Variants in SDK1 observed in about 807,000 individuals in gnomAD.
SDK1 encodes protein sidekick-1.
SDK1 carries 157 observed loss-of-function variants against 245.5 expected under a neutral mutation model. The observed-to-expected ratio is 0.64, with a 90% CI of 0.56 to 0.73. The LOEUF (loss-of-function observed/expected upper bound fraction) is 0.73. Among genes scored for constraint, SDK1 ranks in the 30% least tolerant of loss-of-function variants. SDK1 has a pLI of 0.00. For missense variants in SDK1, 3,583 were observed against 3,002.3 expected (o/e 1.19, Z -4.52); for synonymous variants, 1,647 against 1,278.5 (o/e 1.29, Z -6.15).
intron 1 of SDK1, among the ~76,000 whole-genome samples, chr7:3,386,418 A>G (rs918676278): frequency 2.6e-5 from 4 of 152,184 alleles, no homozygotes; most frequent in Admixed American, 6.5e-5. Flanking sequence ...TTAGCTTTAT[A>G]TAGCTTTTTG....
intron 1 of SDK1, among the ~76,000 whole-genome samples, chr7:3,571,364 A>C (rs1052770454): frequency 3.9e-5 from 6 of 152,068 alleles, no homozygotes; most frequent in African/African-American, 1.4e-4. Flanking sequence ...GTGCAGTGGC[A>C]CAATCACAGT....
intron 7 of SDK1, among the ~76,000 whole-genome samples, chr7:3,957,150 G>A (rs1322717087): frequency 1.3e-5 from 2 of 152,160 alleles, no homozygotes; most frequent in African/African-American, 2.4e-5. Flanking sequence ...ACAGAGAACG[G>A]ATTAGTGGTT....
chr7:3,565,059 A>G (rs968387153), intron 1 of SDK1, among the ~76,000 whole-genome samples: 2 of 151,746 alleles, frequency 1.3e-5, no homozygotes, highest in East Asian at 1.9e-4. Flanking sequence ...GTAAGATCAC[A>G]TGACAATCCA....
At chr7:4,135,334 G>A (rs1273721080) in intron 28 of SDK1, among the ~76,000 whole-genome samples, 1 of 152,182 alleles carries the variant, frequency 6.6e-6, no homozygotes, top group Non-Finnish European at 1.5e-5. Flanking sequence ...ACTTTGGGGA[G>A]TGCTCACCAG....
intron 28 of SDK1, among the ~76,000 whole-genome samples, chr7:4,138,364 T>C (rs938049924): frequency 7.2e-5 from 11 of 152,170 alleles, no homozygotes; most frequent in Non-Finnish European, 1.5e-4. Context: ...AAAACATGCT[T>C]TTGTTATGTT....
At chr7:3,610,009 G>T (rs891821005) in intron 1 of SDK1, among the ~76,000 whole-genome samples, 3 of 152,078 alleles carry the variant, frequency 2.0e-5, no homozygotes. Context: ...CATAGAGCTG[G>T]GATTTGAACC....
intron 4 of SDK1, among the ~76,000 whole-genome samples, chr7:3,730,980 T>C (rs1404421468): frequency 6.6e-6 from 1 of 152,206 alleles, no homozygotes; most frequent in African/African-American, 2.4e-5. Flanking sequence ...TGGTTCTCAG[T>C]TCACATTTTC....
At chr7:3,838,892 A>G (rs1438505794) in intron 5 of SDK1, among the ~76,000 whole-genome samples, 1 of 152,164 alleles carries the variant, frequency 6.6e-6, no homozygotes, top group Admixed American at 6.5e-5. Flanking sequence ...GAAGGAGGAG[A>G]GTGTCTCTGA....
chr7:3,374,024 G>A (rs771235134), intron 1 of SDK1, among the ~76,000 whole-genome samples: 2 of 152,110 alleles, frequency 1.3e-5, no homozygotes, highest in Non-Finnish European at 2.9e-5. Flanking sequence ...AAAATGCCAT[G>A]TTTCTTTGCT....
intron 1 of SDK1, among the ~76,000 whole-genome samples, chr7:3,397,587 G>T (rs9771086): frequency 0.1 from 15,086 of 151,612 alleles, 950 homozygotes; most frequent in African/African-American, 0.17. Flanking sequence ...TAATATGCAA[G>T]TCATTTTTTC....
intron 4 of SDK1, among the ~76,000 whole-genome samples, chr7:3,666,259 C>G (rs1416960588): frequency 6.6e-6 from 1 of 152,216 alleles, no homozygotes; most frequent in East Asian, 1.9e-4. Flanking sequence ...CTGGCCTTGT[C>G]TGTCGGGCTT....
chr7:3,760,778 G>A (rs1050800338), intron 4 of SDK1, among the ~76,000 whole-genome samples: 1 of 152,168 alleles, frequency 6.6e-6, no homozygotes, highest in Non-Finnish European at 1.5e-5. Context: ...TTTCTCAGTA[G>A]GCAATATCAT....
intron 38 of SDK1, among the ~76,000 whole-genome samples, chr7:4,211,238 G>A (rs1784496841): frequency 6.6e-6 from 1 of 152,228 alleles, no homozygotes; most frequent in Non-Finnish European, 1.5e-5. Flanking sequence ...AGCAGGGAAG[G>A]TGTTGCCAAC....
chr7:3,883,621 T>C (rs150516756), intron 5 of SDK1, among the ~76,000 whole-genome samples: 13 of 152,254 alleles, frequency 8.5e-5, no homozygotes, highest in African/African-American at 2.9e-4. Context: ...TGACCTCTGT[T>C]CGAAGAAATC....
In SDK1 at chr7:3,325,315, C is replaced by G. The variant is rs540832019; in HGVS notation, c.298+23431C>G. Among the ~76,000 whole-genome samples, 5 of 152,116 alleles carry G rather than the reference C, an allele frequency of 3.3e-5. No individual in the cohort carries two copies. The South Asian group carries it at 1.0e-3, about 32-fold the overall frequency. ...AACCTTTAATATATAAGATCCTAAC[C>G]TTTATATTTAACGTCTTAACCTATT... On this transcript the variant is annotated intron_variant, in intron 1 of 44. Coordinates refer to ENST00000404826, the MANE Select transcript of SDK1 (RefSeq NM_152744.4).
At chr7:3,371,946 G>A (rs1318102714) in intron 1 of SDK1, among the ~76,000 whole-genome samples, 1 of 152,178 alleles carries the variant, frequency 6.6e-6, no homozygotes, top group African/African-American at 2.4e-5. Context: ...AGATAGAGCA[G>A]GTTGTGAAGA....
At chr7:4,253,992 T>C (rs12667290) in intron 44 of SDK1, among the ~76,000 whole-genome samples, 1 of 152,058 alleles carries the variant, frequency 6.6e-6, no homozygotes, top group Admixed American at 6.6e-5. Context: ...TTTTTGGATA[T>C]TTTTGTTAGT....
intron 1 of SDK1, among the ~76,000 whole-genome samples, chr7:3,577,030 C>T (rs1377754218): frequency 6.6e-6 from 1 of 151,974 alleles, no homozygotes; most frequent in African/African-American, 2.4e-5. Context: ...TGGCCACCCC[C>T]TGACATGACT....
At chr7:4,053,525 A>C (rs1285419987) in intron 19 of SDK1, among the ~76,000 whole-genome samples, 1 of 152,098 alleles carries the variant, frequency 6.6e-6, no homozygotes, top group African/African-American at 2.4e-5. Context: ...TCCCTCACTC[A>C]AAATCGGCAG....
Sources: allele counts gnomAD v4.1 joint callset (sites outside exome capture counted in the v4.1 genomes callset), GRCh38; gene constraint gnomAD v4.1.1; transcripts MANE v1.5; gene names NCBI Gene and HGNC (gene_info 2026-07-23, HGNC 2026-07-21).